NEURL4: variants seen among roughly 807,000 people sequenced by gnomAD.
The protein encoded by NEURL4 is neuralized-like protein 4.
In NEURL4, 45 loss-of-function variants were observed where a neutral mutation model predicts 148.0. The ratio of observed to expected loss-of-function variants is 0.30; its 90% CI spans 0.24 to 0.39. The LOEUF (loss-of-function observed/expected upper bound fraction) is 0.39, where lower values mean the gene tolerates loss of function less well. Among genes scored for constraint, NEURL4 ranks in the 10% least tolerant of loss-of-function variants. NEURL4 has a pLI of 1.00. For synonymous variants in NEURL4, 854 were observed against 869.0 expected, an observed-to-expected ratio of 0.98 and a Z score of 0.30; for missense variants, 1,776 against 2,144.0, an observed-to-expected ratio of 0.83 and a Z score of 3.39.
Position 7,327,276 on chromosome 17 carries a change from C to A in NEURL4, c.728-46G>T, listed in dbSNP as rs567010665. 1 of 1,537,352 alleles carries A rather than the reference C, an allele frequency of 6.5e-7. No individual in the cohort carries two copies. The highest frequency in any genetic ancestry group is 2.0e-5 in the Admixed American group (1 of 49,362). ...GAGGGGAATAAGGGTTCAGTCCCTG[C>A]TTCACGGCCCATAGCCAGGAGAACC... On this transcript the variant is annotated intron_variant, in intron 2 of 28. Transcript: ENST00000399464. The surrounding 1 kb of genome is among the most constrained non-coding windows in gnomAD (Gnocchi z 6.6).
chr17:7,317,436 C>T (rs1358755107), intron 27 of NEURL4, 25 bp downstream of exon 27: 8 of 1,613,032 alleles, frequency 5.0e-6, no homozygotes, highest in Non-Finnish European at 6.8e-6. Flanking sequence ...CTCAGCCCAC[C>T]TTGCATGGGC....
rs1185496372 is a variant in NEURL4, at chr17:7,321,183, G to A, written c.3289C>T (p.Pro1097Ser). ...CCGGTGTCTGAACTGGGGGAAGGAG[G>A]CTGGGTGCCTTCTGACTCCTCCAGT... ...TRLEESEGTQ[P>S]PSPSSDTGSE... is the part of the protein sequence containing the mutation. Residue 1097 changes from proline to serine, a missense_variant, in exon 20 of 29, where the codon CCT becomes TCT. Pro to Ser is a moderately conservative substitution (Grantham distance 74). Coordinates refer to ENST00000399464, the MANE Select transcript of NEURL4 (RefSeq NM_032442.3). The surrounding 1 kb of genome is among the most constrained non-coding windows in gnomAD (Gnocchi z 6.3). The A allele has an allele frequency of 1.9e-6, 3 of 1,613,934 alleles. No individual in the cohort carries two copies. Among genetic ancestry groups the A allele is most frequent in the Non-Finnish European group, 2.5e-6 (3 of 1,180,026 alleles).
At position 7,318,907 on chromosome 17, in the gene NEURL4, C is replaced by G; in HGVS notation, c.3684+143G>C. 1.0e-6 allele frequency: 1 copy of G among 981,564 alleles called. No homozygotes were observed. The highest frequency in any genetic ancestry group is 1.5e-6 in the Non-Finnish European group (1 of 670,624). 60.8% of individuals were successfully genotyped at this position (981,564 alleles called of 1,614,324 possible). A position where few individuals can be genotyped will look rare whatever the true frequency, so the allele number is the denominator to read the frequency against. On this transcript the variant is annotated intron_variant, in intron 22 of 28. Coordinates refer to ENST00000399464, the MANE Select transcript of NEURL4 (RefSeq NM_032442.3). The surrounding 1 kb of genome is among the most constrained non-coding windows in gnomAD (Gnocchi z 4.3). ...CAGGCCTAAGACTGACCAGGCAATG[C>G]TACTCGCCCTTGCCTGCCCATTACT...
chr17:7,326,862 G>C lies in NEURL4; in HGVS notation c.941C>G (p.Ser314Cys). ...SGAATSPILT[S>C]NDALLFHEKC... is the part of the protein sequence containing the mutation. ...TTCATGAAAGAGCAGGGCATCGTTG[G>C]AAGTGAGAATGGGCGAGGTGGCAGC... The change falls in exon 4 of 29, where the codon TCC becomes TGC. Residue 314 changes from serine to cysteine, a missense_variant. Ser to Cys is a moderately radical substitution (Grantham distance 112, BLOSUM62 -1). Coordinates refer to ENST00000399464, the MANE Select transcript of NEURL4 (RefSeq NM_032442.3). The surrounding 1 kb of genome is among the most constrained non-coding windows in gnomAD (Gnocchi z 6.0). 1 of 1,613,964 alleles carries C rather than the reference G, an allele frequency of 6.2e-7. No individual in the cohort carries two copies. The highest frequency in any genetic ancestry group is 8.5e-7 in the Non-Finnish European group (1 of 1,179,946).
rs556428224 is a variant in NEURL4 at position 7,321,003 on chromosome 17, T to G, written c.3361-80A>C. 1 of 1,592,886 alleles carries G rather than the reference T, an allele frequency of 6.3e-7. No homozygotes were observed. Among genetic ancestry groups the G allele is most frequent in the African/African-American group, 1.3e-5 (1 of 74,440 alleles). On this transcript the variant is annotated intron_variant, in intron 20 of 28. Coordinates refer to ENST00000399464, the MANE Select transcript of NEURL4 (RefSeq NM_032442.3). The surrounding 1 kb of genome is among the most constrained non-coding windows in gnomAD (Gnocchi z 6.3). ...ACCCCACTGGAGTTTGCACAGATCC[T>G]GAGTGTGAGCCTCCACCCAACGATC...
rs749483659 is a variant in NEURL4 at position 7,317,577 on chromosome 17, G to C, written c.4206-4C>G. ...AGCCTCCAGGCGGGGATTCACTCTA[G>C]GAGGTGGACAAGCGGGGCAGATACA... On this transcript the variant is annotated splice_region_variant and splice_polypyrimidine_tract_variant and intron_variant, in intron 26 of 28. Coordinates refer to ENST00000399464, the MANE Select transcript of NEURL4 (RefSeq NM_032442.3). 2 of 1,613,658 alleles carry C rather than the reference G, an allele frequency of 1.2e-6. No homozygotes were observed. The highest frequency in any genetic ancestry group is 1.7e-6 in the Non-Finnish European group (2 of 1,179,598).
At position 7,321,272 on chromosome 17, in the gene NEURL4, T is replaced by C. The variant is rs759131838; in HGVS notation, c.3200A>G (p.Asn1067Ser). ...MGPAATGIAK[N>S]VWAVLDLYGP... ...GTAGAGATCCAACACAGCCCACACG[T>C]TCTGGGAGGCACACAAGACCCAGAA... Residue 1067 changes from asparagine to serine, a missense_variant and splice_region_variant, in exon 20 of 29, where the codon AAC (asparagine) becomes AGC (serine). By Grantham distance (46) the Asn-to-Ser change is conservative. Transcript: ENST00000399464. This position sits in a 1 kb window ranked among gnomAD's most constrained non-coding sequence, Gnocchi z 6.3. 2 of 1,612,990 alleles carry C rather than the reference T, an allele frequency of 1.2e-6. No homozygotes were observed. Among genetic ancestry groups the C allele is most frequent in the Non-Finnish European group, 1.7e-6 (2 of 1,179,408 alleles).
In NEURL4 at chr17:7,315,898, C is replaced by G; in HGVS notation, c.*225G>C. The G allele has an allele frequency of 1.7e-6, 1 of 594,778 alleles. No individual in the cohort carries two copies. Among genetic ancestry groups the G allele is most frequent in the South Asian group, 2.0e-5 (1 of 49,740 alleles). The allele number at this position is 594,778 out of a possible 1,614,324, so 36.8% of individuals were successfully genotyped here. On this transcript the variant is annotated 3_prime_UTR_variant, in exon 29 of 29. Transcript: ENST00000399464. ...TGAAGAGGGGTACCAGGGCCTGGAG[C>G]TGGGCTCCCACGACTCCTCCCATCA...
chr17:7,318,933 G>C lies in NEURL4; in HGVS notation c.3684+117C>G. On this transcript the variant is annotated intron_variant, in intron 22 of 28. Coordinates refer to ENST00000399464, the MANE Select transcript of NEURL4 (RefSeq NM_032442.3). The surrounding 1 kb of genome is among the most constrained non-coding windows in gnomAD (Gnocchi z 4.3). ...TACTCGCCCTTGCCTGCCCATTACT[G>C]TTCCCCTTTTACACCTGTGGTCCTA... 8.2e-7 allele frequency: 1 copy of C among 1,214,450 alleles called. No homozygotes were observed. The highest frequency in any genetic ancestry group is 1.1e-6 in the Non-Finnish European group (1 of 871,096). 75.2% of individuals were successfully genotyped at this position (1,214,450 alleles called of 1,614,324 possible). A position where few individuals can be genotyped will look rare whatever the true frequency, so the allele number is the denominator to read the frequency against.
chr17:7,328,593 G>T (rs1248833924), intron 1 of NEURL4, among the ~76,000 whole-genome samples: 1 of 152,158 alleles, frequency 6.6e-6, no homozygotes, highest in East Asian at 1.9e-4. Context: ...TAGTAAAGAC[G>T]GGGTTTCACC....
intron 14 of NEURL4, 115 bp from the exon 15 acceptor site, chr17:7,323,238 G>A (rs2073056164): frequency 8.6e-7 from 1 of 1,161,858 alleles, no homozygotes; most frequent in Non-Finnish European, 1.2e-6. Context: ...TCTTGATCTG[G>A]GTGTAAGGCC....
In NEURL4 at chr17:7,315,999, G is replaced by A; in HGVS notation, c.*124C>T. On this transcript the variant is annotated 3_prime_UTR_variant, in exon 29 of 29. Coordinates refer to ENST00000399464, the MANE Select transcript of NEURL4 (RefSeq NM_032442.3). Reference sequence around the variant, plus strand: ...TCTGAGAGCCTGCCTACATGCTCCTGCGCGGCTGCCAAGCTCCAGCACCTG... The same window carrying A: ...TCTGAGAGCCTGCCTACATGCTCCTACGCGGCTGCCAAGCTCCAGCACCTG... 2.9e-6 allele frequency: 2 copies of A among 686,670 alleles called. No homozygotes were observed. The highest frequency in any genetic ancestry group is 5.2e-5 in the East Asian group (2 of 38,806). The allele number at this position is 686,670 out of a possible 1,614,324, so 42.5% of individuals were successfully genotyped here.
In NEURL4 at chr17:7,318,891, G is replaced by T; in HGVS notation, c.3684+159C>A. The T allele has an allele frequency of 1.0e-6, 1 of 953,116 alleles. No individual in the cohort carries two copies. Among genetic ancestry groups the T allele is most frequent in the Non-Finnish European group, 1.5e-6 (1 of 647,580 alleles). The allele number at this position is 953,116 out of a possible 1,614,324, so 59.0% of individuals were successfully genotyped here. On this transcript the variant is annotated intron_variant, in intron 22 of 28. Coordinates refer to ENST00000399464, the MANE Select transcript of NEURL4 (RefSeq NM_032442.3). The surrounding 1 kb of genome is among the most constrained non-coding windows in gnomAD (Gnocchi z 4.3). ...ACACCGCAGGAAGCAGCAGGCCTAA[G>T]ACTGACCAGGCAATGCTACTCGCCC...
intron 21 of NEURL4, 21 bp from the exon 22 acceptor site, chr17:7,319,229 C>G: frequency 3.8e-6 from 6 of 1,596,012 alleles, no homozygotes; most frequent in Non-Finnish European, 5.1e-6. Context: ...AAGAACTACT[C>G]CATAATCACA....
Position 7,323,637 on chromosome 17 carries a change from C to T in NEURL4, c.2338+10G>A, listed in dbSNP as rs551384340. The stretch of plus-strand genomic sequence containing the variant: ...TCCAACAGCCCCCAACACACACAGA[C>T]GGCCCTCACCAGCCTCAATGGAGCC... On this transcript the variant is annotated intron_variant, in intron 13 of 28. Coordinates refer to ENST00000399464, the MANE Select transcript of NEURL4 (RefSeq NM_032442.3). 3.7e-5 allele frequency: 60 copies of T among 1,613,536 alleles called. No individual in the cohort carries two copies. The East Asian group carries it at 6.9e-4, about 19-fold the overall frequency.
rs902041565 is a variant in NEURL4 at position 7,316,092 on chromosome 17, G to A, written c.*31C>T. 8.7e-7 allele frequency: 1 copy of A among 1,155,002 alleles called. No individual in the cohort carries two copies. Among genetic ancestry groups the A allele is most frequent in the Non-Finnish European group, 1.3e-6 (1 of 760,902 alleles). 71.5% of individuals were successfully genotyped at this position (1,155,002 alleles called of 1,614,324 possible). ...CTCAGAGTCCATGGGCCCGCGGCCC[G>A]ACTGTGCTTGTAGTAGTGGTGTCTC... On this transcript the variant is annotated 3_prime_UTR_variant, in exon 29 of 29. Coordinates refer to ENST00000399464, the MANE Select transcript of NEURL4 (RefSeq NM_032442.3).
Position 7,321,857 on chromosome 17 carries a change from C to T in NEURL4, c.2871+8G>A, listed in dbSNP as rs200722036. 1,168 of 1,612,932 alleles carry T rather than the reference C, an allele frequency of 7.2e-4. 13 individuals carry two copies. The Middle Eastern group carries it at 0.024, about 34-fold the overall frequency. ...TCGCAGCCCCTCTGTCACATCACTACGGCCTACCTCAAAGACTTCCTCAGC... is the reference window on the plus strand; with the variant it reads ...TCGCAGCCCCTCTGTCACATCACTATGGCCTACCTCAAAGACTTCCTCAGC... On this transcript the variant is annotated splice_region_variant and intron_variant, in intron 17 of 28. Transcript: ENST00000399464. The surrounding 1 kb of genome is among the most constrained non-coding windows in gnomAD (Gnocchi z 6.3).
At position 7,326,582 on chromosome 17, in the gene NEURL4, A is replaced by T. The variant is rs1422265510; in HGVS notation, c.1093-34T>A. 1 of 1,609,886 alleles carries T rather than the reference A, an allele frequency of 6.2e-7. No homozygotes were observed. Among genetic ancestry groups the T allele is most frequent in the Admixed American group, 1.7e-5 (1 of 60,018 alleles). On this transcript the variant is annotated intron_variant, in intron 4 of 28. Coordinates refer to ENST00000399464, the MANE Select transcript of NEURL4 (RefSeq NM_032442.3). This position sits in a 1 kb window ranked among gnomAD's most constrained non-coding sequence, Gnocchi z 6.0. The stretch of plus-strand genomic sequence containing the variant: ...GAGGGACAGAAGGGAGAAGCAGGGA[A>T]TGTAAATGCAGAAAGGGACCTTCAG...
chr17:7,321,192 C>G lies in NEURL4; in HGVS notation c.3280G>C (p.Gly1094Arg). ...VSSTRLEESE[G>R]TQPPSPSSDT... ...GAACTGGGGGAAGGAGGCTGGGTGCCTTCTGACTCCTCCAGTCTCGTGGAA... is the reference window on the plus strand; with the variant it reads ...GAACTGGGGGAAGGAGGCTGGGTGCGTTCTGACTCCTCCAGTCTCGTGGAA... The change falls in exon 20 of 29, where the codon GGC becomes CGC. Residue 1094 changes from glycine (G) to arginine (R), a missense_variant. Gly to Arg is a moderately radical substitution (Grantham distance 125). Transcript: ENST00000399464. The surrounding 1 kb of genome is among the most constrained non-coding windows in gnomAD (Gnocchi z 6.3). 1 of 1,613,990 alleles carries G rather than the reference C, an allele frequency of 6.2e-7. No individual in the cohort carries two copies. The highest frequency in any genetic ancestry group is 1.1e-5 in the South Asian group (1 of 91,080).
Sources: gnomAD v4.1 joint callset for allele counts (sites outside exome capture counted in the v4.1 genomes callset) on GRCh38, gnomAD v4.1.1 for gene constraint, Gnocchi (gnomAD v3.1) non-coding constraint, MANE v1.5 for transcripts, NCBI Gene and HGNC (gene_info 2026-07-23, HGNC 2026-07-21) for gene names.